The following KCNH7 variants were observed in gnomAD, a reference collection of about 807,000 sequenced individuals.
KCNH7 encodes potassium voltage-gated channel subfamily H member 7.
A neutral mutation model predicts 120.8 loss-of-function variants in KCNH7; 49 were observed. That is an observed-to-expected ratio of 0.41 (90% CI 0.32 to 0.51). KCNH7 has a LOEUF of 0.51. Among genes scored for constraint, KCNH7 ranks in the 20% least tolerant of loss-of-function variants. The probability of loss-of-function intolerance (pLI) is 0.38; values close to 1 mark genes in which losing one functional copy is unlikely to be tolerated. For missense variants in KCNH7, 1,097 were observed against 1,446.6 expected, an observed-to-expected ratio of 0.76 and a Z score of 3.92; for synonymous variants, 547 against 516.1, an observed-to-expected ratio of 1.06 and a Z score of -0.81.
chr2:162,722,727 T>A (rs1687360847), intron 2 of KCNH7, among the ~76,000 whole-genome samples: 10 of 151,874 alleles, frequency 6.6e-5, no homozygotes, highest in South Asian at 2.1e-4. Context: ...GGAACTCACA[T>A]AATATGTGTG....
chr2:162,455,390 A>G (rs1688928931), intron 6 of KCNH7, among the ~76,000 whole-genome samples: 1 of 152,002 alleles, frequency 6.6e-6, no homozygotes, highest in African/African-American at 2.4e-5. Context: ...ATTGGTCTGA[A>G]GTTTTCTCTT....
At chr2:162,770,095 A>C (rs1439140355) in intron 2 of KCNH7, among the ~76,000 whole-genome samples, 3 of 152,092 alleles carry the variant, frequency 2.0e-5, no homozygotes, top group Admixed American at 1.3e-4. Context: ...AACTGCAGCT[A>C]TTCACAGATG....
At chr2:162,507,280 A>G (rs1690913162) in intron 5 of KCNH7, among the ~76,000 whole-genome samples, 1 of 151,682 alleles carries the variant, frequency 6.6e-6, no homozygotes, top group African/African-American at 2.4e-5. Flanking sequence ...CTTCTTTACC[A>G]GTGTTGGAAC....
intron 14 of KCNH7, 32 bp downstream of exon 14, chr2:162,379,821 T>C: frequency 6.2e-7 from 1 of 1,608,832 alleles, no homozygotes; most frequent in East Asian, 2.2e-5. Flanking sequence ...GGGGTTGGGT[T>C]ATGTTCTCCT....
chr2:162,469,450 A>G (rs1354957494), intron 6 of KCNH7, among the ~76,000 whole-genome samples: 1 of 152,138 alleles, frequency 6.6e-6, no homozygotes, highest in African/African-American at 2.4e-5. Context: ...AAGCAGGAGG[A>G]ATTGACTACT....
chr2:162,401,612 G>A (rs1396985381), intron 9 of KCNH7, among the ~76,000 whole-genome samples: 1 of 151,890 alleles, frequency 6.6e-6, no homozygotes, highest in African/African-American at 2.4e-5. Flanking sequence ...AAATATTCAA[G>A]TAAGCACAAG....
At chr2:162,512,600 C>G (rs375294241) in intron 5 of KCNH7, 54 bp downstream of exon 5, 27 of 1,545,978 alleles carry the variant, frequency 1.7e-5, no homozygotes, top group Non-Finnish European at 2.4e-5. Context: ...GTTAACATGC[C>G]GAGTAAAGGG....
At chr2:162,656,111 A>G (rs1298712632) in intron 2 of KCNH7, among the ~76,000 whole-genome samples, 1 of 152,230 alleles carries the variant, frequency 6.6e-6, no homozygotes, top group Non-Finnish European at 1.5e-5. Flanking sequence ...CATGAAAGTC[A>G]AGCATATTTT....
intron 2 of KCNH7, among the ~76,000 whole-genome samples, chr2:162,697,249 C>A (rs1574278288): frequency 6.6e-6 from 1 of 152,228 alleles, no homozygotes; most frequent in Non-Finnish European, 1.5e-5. Context: ...CTGAATCCAT[C>A]TGCCACCTTG....
intron 3 of KCNH7, among the ~76,000 whole-genome samples, chr2:162,527,213 T>C (rs1283807963): frequency 6.6e-6 from 1 of 152,036 alleles, no homozygotes; most frequent in African/African-American, 2.4e-5. Context: ...TTCCTTTTTC[T>C]ATGTCAAATT....
At chr2:162,818,246 T>C (rs999127214) in intron 2 of KCNH7, among the ~76,000 whole-genome samples, 1 of 152,070 alleles carries the variant, frequency 6.6e-6, no homozygotes, top group African/African-American at 2.4e-5. Flanking sequence ...TTAGCTTTTA[T>C]ATTTAAGTAT....
At chr2:162,514,091 C>G (rs1438566971) in intron 4 of KCNH7, among the ~76,000 whole-genome samples, 2 of 151,768 alleles carry the variant, frequency 1.3e-5, no homozygotes, top group South Asian at 2.1e-4. Context: ...TTGTTGATAT[C>G]TATGCTAACA....
At chr2:162,700,760 G>T (rs1686467215) in intron 2 of KCNH7, among the ~76,000 whole-genome samples, 1 of 152,102 alleles carries the variant, frequency 6.6e-6, no homozygotes, top group South Asian at 2.1e-4. Context: ...TTAAGAATCT[G>T]TTTCTTTTTT....
chr2:162,611,169 C>T (rs12477854), intron 2 of KCNH7, among the ~76,000 whole-genome samples: 1 of 152,176 alleles, frequency 6.6e-6, no homozygotes, highest in African/African-American at 2.4e-5. Context: ...ACCGTGGGGC[C>T]TGCTGGGTGG....
intron 2 of KCNH7, among the ~76,000 whole-genome samples, chr2:162,735,020 C>T (rs1687850772): frequency 6.6e-6 from 1 of 152,140 alleles, no homozygotes. Flanking sequence ...CCTGTCTCTT[C>T]CTCCCTGGGA....
intron 6 of KCNH7, among the ~76,000 whole-genome samples, chr2:162,503,380 A>C (rs1690755917): frequency 6.6e-6 from 1 of 152,072 alleles, no homozygotes; most frequent in African/African-American, 2.4e-5. Context: ...TACTAAATAT[A>C]AGTTAAGAAA....
chr2:162,374,348 C>T (rs2105388224), intron 14 of KCNH7, among the ~76,000 whole-genome samples: 1 of 152,178 alleles, frequency 6.6e-6, no homozygotes, highest in Non-Finnish European at 1.5e-5. Flanking sequence ...CACAAGTAGC[C>T]AACTGGCCTG....
intron 2 of KCNH7, among the ~76,000 whole-genome samples, chr2:162,605,721 A>G (rs183815704): frequency 8.5e-5 from 13 of 152,240 alleles, no homozygotes; most frequent in Admixed American, 6.5e-4. Flanking sequence ...CTGATGGAAA[A>G]TATTCTAATA....
At chr2:162,478,897 T>A (rs903475386) in intron 6 of KCNH7, among the ~76,000 whole-genome samples, 2 of 152,114 alleles carry the variant, frequency 1.3e-5, no homozygotes, top group African/African-American at 4.8e-5. Context: ...AGAGAGCAGG[T>A]TAAACTCCAG....
Sources: gnomAD v4.1 joint callset for allele counts (sites outside exome capture counted in the v4.1 genomes callset) on GRCh38, gnomAD v4.1.1 for gene constraint, MANE v1.5 for transcripts, NCBI Gene and HGNC (gene_info 2026-07-23, HGNC 2026-07-21) for gene names.